Variants in ICE1 observed in about 807,000 individuals in gnomAD.
ICE1 encodes interactor of little elongation complex ELL subunit 1.
Under a neutral mutation model 192.7 loss-of-function variants are expected in ICE1, and 64 were observed. That is an observed-to-expected ratio of 0.33 (90% confidence interval 0.27 to 0.41). The LOEUF is 0.41. ICE1 is among the 10% of genes least tolerant of loss of function. ICE1 has a pLI of 1.00. For missense variants in ICE1, 2,708 were observed against 2,696.0 expected (o/e 1.00, Z -0.10); for synonymous variants, 1,010 against 984.5 (o/e 1.03, Z -0.49).
At chr5:5,436,365 ATTATAT>A in intron 1 of ICE1, 47 bp from the exon 2 acceptor site, 1 of 1,029,072 alleles carries the variant, frequency 9.7e-7, no homozygotes, top group Non-Finnish European at 1.4e-6. Context: ...ACAGACAATA[ATTATAT>A]TTAAAGTAAT....
chr5:5,482,775 A>AGCACACAC (rs1554017071), intron 17 of ICE1, among the ~76,000 whole-genome samples: 1 of 135,998 alleles, frequency 7.4e-6, no homozygotes. Flanking sequence ...CCCACCCCCC[A>AGCACACAC]ACACACACAC....
At chr5:5,439,869 T>C (rs1250752937) in intron 3 of ICE1, 26 bp from the exon 4 acceptor site, 1 of 1,510,386 alleles carries the variant, frequency 6.6e-7, no homozygotes, top group South Asian at 1.3e-5. Context: ...GATAAAATTC[T>C]CAGAGTTTTC....
At chr5:5,430,463 T>G (rs1737671193) in intron 1 of ICE1, among the ~76,000 whole-genome samples, 1 of 152,218 alleles carries the variant, frequency 6.6e-6, no homozygotes, top group African/African-American at 2.4e-5. Context: ...CATTATACTG[T>G]TTTGTGATCT....
chr5:5,461,289 A>C lies in ICE1; in HGVS notation c.1955A>C (p.Asp652Ala). 1 of 1,613,888 alleles carries C rather than the reference A, an allele frequency of 6.2e-7. No homozygotes were observed. Among genetic ancestry groups the C allele is most frequent in the Non-Finnish European group, 8.5e-7 (1 of 1,179,838 alleles). The change falls in exon 13 of 19, where the codon GAC becomes GCC. Residue 652 changes from aspartate to alanine, a missense_variant. Physicochemically the swap from Asp to Ala is moderately radical, Grantham distance 126. Coordinates refer to ENST00000296564, the MANE Select transcript of ICE1 (RefSeq NM_015325.3). Reference protein sequence around the residue: ...GSNPQSSSGLDCGNDTDITTK... With the variant: ...GSNPQSSSGLACGNDTDITTK... ...AATCCCCAGTCTTCTTCTGGGTTAG[A>C]CTGTGGTAATGATACAGATATTACT... is the stretch of plus-strand genomic sequence containing the variant.
At chr5:5,440,293 G>T (rs1738001611) in intron 4 of ICE1, among the ~76,000 whole-genome samples, 1 of 152,068 alleles carries the variant, frequency 6.6e-6, no homozygotes, top group Non-Finnish European at 1.5e-5. Context: ...TAAAATTTTG[G>T]CAATGTTTCA....
chr5:5,428,009 A>G (rs561568893), intron 1 of ICE1, among the ~76,000 whole-genome samples: 34 of 152,344 alleles, frequency 2.2e-4, no homozygotes, highest in African/African-American at 8.2e-4. Flanking sequence ...GATGATTTGC[A>G]GTTAACTAAG....
rs368424534 is a variant in ICE1 at position 5,462,303 on chromosome 5, C to T, written c.2969C>T (p.Thr990Ile). The T allele has an allele frequency of 5.0e-6, 8 of 1,613,954 alleles. No individual in the cohort carries two copies. Among genetic ancestry groups the T allele is most frequent in the Non-Finnish European group, 6.8e-6 (8 of 1,179,874 alleles). The change falls in exon 13 of 19, where the codon ACA becomes ATA. Residue 990 changes from threonine to isoleucine, a missense_variant. Physicochemically the swap from Thr to Ile is moderately conservative, Grantham distance 89. Around this residue, in one of 2 missense-constraint regions of ICE1, gnomAD observed 2,366 missense variants for 2,276.6 expected, o/e 1.04. Transcript: ENST00000296564. ...CAGAAGCAAAGGCAGCCTCAGGCCA[C>T]AGATCTGGACTCCAGTGGGACACAT... Reference protein sequence around the residue: ...DGQKQRQPQATDLDSSGTHGS... With the variant: ...DGQKQRQPQAIDLDSSGTHGS...
chr5:5,461,328 C>A lies in ICE1; in HGVS notation c.1994C>A (p.Ser665Tyr). 1 of 1,613,888 alleles carries A rather than the reference C, an allele frequency of 6.2e-7. No individual in the cohort carries two copies. Among genetic ancestry groups the A allele is most frequent in the Non-Finnish European group, 8.5e-7 (1 of 1,179,808 alleles). ...NDTDITTKVF[S>Y]TEPHHSEHKL... is the part of the protein sequence containing the mutation. The stretch of plus-strand genomic sequence containing the variant: ...ACAGATATTACTACTAAAGTATTCT[C>A]TACTGAACCGCATCATTCAGAACAT... Residue 665 changes from serine (S) to tyrosine (Y), a missense_variant, in exon 13 of 19, where the codon TCT becomes TAT. Transcript: ENST00000296564.
intron 10 of ICE1, among the ~76,000 whole-genome samples, chr5:5,451,013 A>G (rs1738399947): frequency 6.6e-6 from 1 of 152,214 alleles, no homozygotes. Context: ...AGTTTGTTAA[A>G]ATACTTTTCA....
intron 16 of ICE1, among the ~76,000 whole-genome samples, chr5:5,474,858 A>T (rs1346108313): frequency 6.6e-6 from 1 of 152,206 alleles, no homozygotes; most frequent in Non-Finnish European, 1.5e-5. Flanking sequence ...CTTGACACTA[A>T]GGGAAGATTA....
At chr5:5,435,307 A>C (rs1737835868) in intron 1 of ICE1, among the ~76,000 whole-genome samples, 1 of 152,168 alleles carries the variant, frequency 6.6e-6, no homozygotes, top group South Asian at 2.1e-4. Flanking sequence ...ATGTAACATA[A>C]CTGAGAAGAA....
Position 5,482,303 on chromosome 5 carries a change from TATACA to T in ICE1, c.6521-4410_6521-4406del, listed in dbSNP as rs563524023. Among the ~76,000 whole-genome samples the T allele has an allele frequency of 1.6e-4, 25 of 152,318 alleles. No homozygotes were observed. The South Asian group carries it at 5.0e-3, about 30-fold the overall frequency. ...TGCATACTTATACAATTAAGACTGATATACAATACAATTATATGTTATAGAGAATA... is the reference window on the plus strand; with the variant it reads ...TGCATACTTATACAATTAAGACTGATATACAATTATATGTTATAGAGAATA... On this transcript the variant is annotated intron_variant, in intron 17 of 18. Transcript: ENST00000296564.
At chr5:5,444,542 C>T (rs1738153111) in intron 7 of ICE1, among the ~76,000 whole-genome samples, 1 of 152,156 alleles carries the variant, frequency 6.6e-6, no homozygotes, top group South Asian at 2.1e-4. Context: ...TGGCAAATCT[C>T]CGAAATGTTA....
At chr5:5,485,218 ATTGT>A (rs2111407765) in intron 17 of ICE1, among the ~76,000 whole-genome samples, 1 of 152,278 alleles carries the variant, frequency 6.6e-6, no homozygotes, top group East Asian at 1.9e-4. Flanking sequence ...AAACTCAGAA[ATTGT>A]TTATTTAGTT....
chr5:5,479,598 A>G (rs770519060), intron 17 of ICE1, among the ~76,000 whole-genome samples: 5 of 152,222 alleles, frequency 3.3e-5, no homozygotes, highest in African/African-American at 4.8e-5. Context: ...TAGTGGGTAT[A>G]TACCCAAAGA....
intron 3 of ICE1, 90 bp downstream of exon 3, chr5:5,437,204 T>C: frequency 1.0e-6 from 1 of 969,170 alleles, no homozygotes; most frequent in South Asian, 1.4e-5. Context: ...CTCATAGGCC[T>C]TCTGGAAGAT....
intron 11 of ICE1, among the ~76,000 whole-genome samples, chr5:5,456,359 T>TAAA (rs1352988920): frequency 6.6e-6 from 1 of 152,260 alleles, no homozygotes; most frequent in Non-Finnish European, 1.5e-5. Context: ...ATTACTGCTT[T>TAAA]AGTGTTTGCC....
At chr5:5,467,351 TG>T (rs2111390214) in intron 14 of ICE1, among the ~76,000 whole-genome samples, 1 of 152,298 alleles carries the variant, frequency 6.6e-6, no homozygotes, top group East Asian at 1.9e-4. Context: ...GTTCAGCAGT[TG>T]GTGGGTGGTG....
chr5:5,450,791 C>T (rs1738392280), intron 10 of ICE1, among the ~76,000 whole-genome samples: 1 of 152,086 alleles, frequency 6.6e-6, no homozygotes, highest in Non-Finnish European at 1.5e-5. Flanking sequence ...TATAGTTTGC[C>T]ATGAAGATAC....
Sources: allele counts gnomAD v4.1 joint callset (sites outside exome capture counted in the v4.1 genomes callset), GRCh38; gene constraint gnomAD v4.1.1; regional missense constraint gnomAD v4.1.1; transcripts MANE v1.5; gene names NCBI Gene and HGNC (gene_info 2026-07-23, HGNC 2026-07-21).